RMDN2: variants seen among roughly 807,000 people sequenced by gnomAD.
RMDN2 encodes the protein regulator of microtubule dynamics 2, also known as regulator of microtubule dynamics protein 2.
In RMDN2, 61 loss-of-function variants were observed where a neutral mutation model predicts 52.8. The ratio of observed to expected loss-of-function variants is 1.16; its 90% CI spans 0.94 to 1.43. The LOEUF (loss-of-function observed/expected upper bound fraction) is 1.43. RMDN2 is among the 40% of genes most tolerant of loss of function. The pLI is 0.00. For missense variants in RMDN2, 592 were observed against 475.3 expected (o/e 1.25, Z -2.28); for synonymous variants, 180 against 153.1 (o/e 1.18, Z -1.30).
chr2:38,058,713 C>G (rs1490271428), intron 10 of RMDN2, among the ~76,000 whole-genome samples: 1 of 152,232 alleles, frequency 6.6e-6, no homozygotes, highest in Non-Finnish European at 1.5e-5. Flanking sequence ...AGGTTATGGG[C>G]AGTTTTCTGT....
Position 38,039,085 on chromosome 2 carries a change from CACACACACAGAGAG to C in RMDN2, c.1714-27895_1714-27882del, listed in dbSNP as rs1487630332. ...ACACACACACACACACACACACACA[CACACACACAGAGAG>C]AGAGATAAAATGTTCATGGATTAAG... is the stretch of plus-strand genomic sequence containing the variant. On this transcript the variant is annotated intron_variant, in intron 10 of 10. Transcript: ENST00000234195. 5.0e-3 allele frequency among the ~76,000 whole-genome samples: 426 copies of C among 85,824 alleles called. 3 individuals are homozygous for C. The highest frequency in any genetic ancestry group is 0.011 in the Middle Eastern group (2 of 190). 56.3% of individuals were successfully genotyped at this position (85,824 alleles called of 152,430 possible). A position where few individuals can be genotyped will look rare whatever the true frequency, so the allele number is the denominator to read the frequency against.
intron 2 of RMDN2, among the ~76,000 whole-genome samples, chr2:37,954,570 C>T (rs980460012): frequency 2.0e-5 from 3 of 152,054 alleles, no homozygotes; most frequent in South Asian, 2.1e-4. Flanking sequence ...TCTGTCTTTA[C>T]ACCACACTGT....
At chr2:38,027,256 T>TCCAGGGACAATAAG (rs2125267853) in intron 10 of RMDN2, 1 of 152,342 alleles carries the variant, frequency 6.6e-6, no homozygotes, top group East Asian at 1.9e-4. Context: ...CTCAAAGCAG[T>TCCAGGGACAATAAG]AAGCTGGGAC....
chr2:37,977,637 C>G (rs1672691561), intron 4 of RMDN2, among the ~76,000 whole-genome samples: 2 of 151,940 alleles, frequency 1.3e-5, no homozygotes, highest in African/African-American at 4.8e-5. Context: ...CCTCACCTCC[C>G]AGACGGGGTG....
chr2:37,979,505 C>T (rs1284131092), intron 4 of RMDN2, among the ~76,000 whole-genome samples: 2 of 152,170 alleles, frequency 1.3e-5, no homozygotes, highest in African/African-American at 4.8e-5. Flanking sequence ...ATGCTTAGTA[C>T]AGATTTGATC....
chr2:37,958,995 G>A lies in RMDN2; in HGVS notation c.453-15045G>A, dbSNP rs375974095. 8.4e-4 allele frequency among the ~76,000 whole-genome samples: 127 copies of A among 151,190 alleles called. 8 individuals carry two copies. The highest frequency in any genetic ancestry group is 3.1e-3 in the African/African-American group (125 of 40,496). On this transcript the variant is annotated intron_variant, in intron 2 of 10. Transcript: ENST00000354545. Reference sequence around the variant, plus strand: ...TGTTGAACCAGCCTCGCATCCTTAGGATGAAGCTGACTTGATTGTGGTGGA... The same window carrying A: ...TGTTGAACCAGCCTCGCATCCTTAGAATGAAGCTGACTTGATTGTGGTGGA...
intron 2 of RMDN2, among the ~76,000 whole-genome samples, chr2:37,932,887 G>A (rs1486397886): frequency 2.1e-5 from 3 of 146,104 alleles, no homozygotes; most frequent in African/African-American, 5.1e-5. Flanking sequence ...CCTCCCTCCC[G>A]GACGGGGCGG....
At chr2:37,989,274 C>G (rs1340420001) in intron 5 of RMDN2, among the ~76,000 whole-genome samples, 4 of 152,070 alleles carry the variant, frequency 2.6e-5, no homozygotes, top group African/African-American at 7.2e-5. Context: ...ATGTCCTGGT[C>G]ACTGTTCTAA....
intron 2 of RMDN2, chr2:37,950,605 A>G (rs1276135728): frequency 1.2e-6 from 2 of 1,612,826 alleles, no homozygotes; most frequent in East Asian, 2.2e-5. Flanking sequence ...GGTAAGCCTT[A>G]GAAAAAAACT....
intron 7 of RMDN2, among the ~76,000 whole-genome samples, chr2:37,991,716 C>CT (rs1227474931): frequency 6.6e-6 from 1 of 152,066 alleles, no homozygotes; most frequent in African/African-American, 2.4e-5. Flanking sequence ...TGTGAGAGGA[C>CT]TTTTTTTCAT....
At chr2:38,006,737 C>A (rs973735977) in intron 10 of RMDN2, among the ~76,000 whole-genome samples, 1 of 152,140 alleles carries the variant, frequency 6.6e-6, no homozygotes, top group East Asian at 1.9e-4. Flanking sequence ...ACTTCCAATA[C>A]TATGTTGAAT....
At chr2:38,031,110 C>A (rs1199584297) in intron 10 of RMDN2, among the ~76,000 whole-genome samples, 2 of 152,050 alleles carry the variant, frequency 1.3e-5, no homozygotes, top group Non-Finnish European at 2.9e-5. Flanking sequence ...TTAAGATGGG[C>A]CTTGGATAGG....
chr2:37,925,769 T>G (rs1666225846), intron 1 of RMDN2, among the ~76,000 whole-genome samples: 1 of 149,246 alleles, frequency 6.7e-6, no homozygotes. Context: ...CCCAAAGAAT[T>G]TCAACAGAGA....
chr2:38,011,658 G>T (rs1016586839), intron 10 of RMDN2, among the ~76,000 whole-genome samples: 2 of 152,162 alleles, frequency 1.3e-5, no homozygotes, highest in Non-Finnish European at 1.5e-5. Context: ...AAGGTACTAA[G>T]AGAAGTACAA....
At chr2:38,057,753 C>A (rs1681900456) in intron 10 of RMDN2, among the ~76,000 whole-genome samples, 1 of 152,170 alleles carries the variant, frequency 6.6e-6, no homozygotes, top group African/African-American at 2.4e-5. Context: ...AGTGGATTCT[C>A]ATGAGATCTG....
chr2:37,967,446 C>G (rs1671209314), intron 2 of RMDN2, among the ~76,000 whole-genome samples: 1 of 152,184 alleles, frequency 6.6e-6, no homozygotes, highest in Non-Finnish European at 1.5e-5. Context: ...ACAATCAAAG[C>G]AATGGCGCCC....
chr2:37,976,775 A>G (rs1248070301), intron 4 of RMDN2, among the ~76,000 whole-genome samples: 2 of 152,228 alleles, frequency 1.3e-5, no homozygotes, highest in African/African-American at 4.8e-5. Context: ...ATATCTACTG[A>G]GAAAATCCAA....
chr2:37,996,601 G>GAAAAAAAAAAAAA (rs1161536445), intron 7 of RMDN2, among the ~76,000 whole-genome samples: 1 of 58,006 alleles, frequency 1.7e-5, no homozygotes. Flanking sequence ...AAAAAAAAAA[G>GAAAAAAAAAAAAA]AAAAAAAAAA....
At chr2:37,949,844 A>G (rs895947231) in intron 2 of RMDN2, 3 of 153,550 alleles carry the variant, frequency 2.0e-5, no homozygotes, top group African/African-American at 4.8e-5. Flanking sequence ...ATTGGTTTAG[A>G]TAAGAAAGGA....
Sources: allele counts gnomAD v4.1 joint callset (sites outside exome capture counted in the v4.1 genomes callset), GRCh38; gene constraint gnomAD v4.1.1; transcripts MANE v1.5; gene names NCBI Gene and HGNC (gene_info 2026-07-23, HGNC 2026-07-21).